Variants in MGST2 observed in about 807,000 individuals in gnomAD.
MGST2 encodes microsomal glutathione S-transferase 2.
Under a neutral mutation model 16.6 loss-of-function variants are expected in MGST2, and 9 were observed. The observed-to-expected ratio is 0.54, with a 90% CI of 0.33 to 0.95. The LOEUF is 0.95. MGST2 is among the 40% of genes least tolerant of loss of function. The pLI, the probability that MGST2 is intolerant of heterozygous loss-of-function variation, is 0.03. For missense variants in MGST2, 159 were observed against 175.1 expected (o/e 0.91, Z 0.52); for synonymous variants, 79 against 68.0 (o/e 1.16, Z -0.79).
chr4:139,684,215 C>T (rs1579304353), intron 2 of MGST2, among the ~76,000 whole-genome samples: 1 of 152,102 alleles, frequency 6.6e-6, no homozygotes, highest in Non-Finnish European at 1.5e-5. Flanking sequence ...TATGAACCAC[C>T]GTACCCGGCC....
intron 5 of MGST2, chr4:139,719,165 G>T: frequency 2.6e-6 from 2 of 775,690 alleles, no homozygotes; most frequent in Admixed American, 3.2e-5. Context: ...TGGTGGGGCT[G>T]TGGATTGGCA....
chr4:139,752,809 GA>G, the MGST2 span, among the ~76,000 whole-genome samples: 2 of 152,142 alleles, frequency 1.3e-5, no homozygotes, highest in Admixed American at 6.5e-5. Flanking sequence ...AATTTTAAGG[GA>G]AAAAAATGTC....
chr4:139,745,546 G>C (rs1014662736), downstream of MGST2, among the ~76,000 whole-genome samples: 2 of 152,092 alleles, frequency 1.3e-5, no homozygotes, highest in Admixed American at 6.5e-5. Context: ...GCAAGAATAA[G>C]AATTCTCATG....
At position 139,735,980 on chromosome 4, in the gene MGST2, CGTGT is replaced by C. The variant is rs2056372913; in HGVS notation, c.*49-4227_*49-4224del. ...GCGCATTTCCCAGGCCCCGCCACATCGTGTGTGTTAGTGGCTGGGAAGGACACGA... is the reference window on the plus strand; with the variant it reads ...GCGCATTTCCCAGGCCCCGCCACATCGTGTTAGTGGCTGGGAAGGACACGA... On this transcript the variant is annotated intron_variant, in intron 5 of 5. Transcript: ENST00000616265. This position sits in a 1 kb window ranked among gnomAD's most constrained non-coding sequence, Gnocchi z 5.8. 6.6e-6 allele frequency among the ~76,000 whole-genome samples: 1 copy of C among 152,146 alleles called. No individual in the cohort carries two copies. The highest frequency in any genetic ancestry group is 1.5e-5 in the Non-Finnish European group (1 of 68,022).
At chr4:139,719,549 G>T (rs61747885) in intron 5 of MGST2, 235,318 of 1,613,560 alleles carry the variant, frequency 0.15, 17,912 homozygotes, top group East Asian at 0.16. Flanking sequence ...CTGTGCTGGG[G>T]GCTGGCTGAA....
intron 5 of MGST2, chr4:139,720,312 C>T (rs535535121): frequency 2.0e-6 from 3 of 1,534,562 alleles, no homozygotes; most frequent in Non-Finnish European, 1.8e-6. Context: ...GCTGCTATAT[C>T]CTGGGGAGAA....
At chr4:139,704,312 G>C, downstream of MGST2, 1 of 888,958 alleles carries the variant, frequency 1.1e-6, no homozygotes, top group African/African-American at 1.7e-5. Flanking sequence ...ACTGAAATTT[G>C]CTTGGGGTAG....
chr4:139,713,508 A>G (rs984160939), intron 5 of MGST2, among the ~76,000 whole-genome samples: 1 of 151,602 alleles, frequency 6.6e-6, no homozygotes, highest in Non-Finnish European at 1.5e-5. Flanking sequence ...GGAGAAAAAT[A>G]ATTCAGTTGA....
At chr4:139,686,065 G>C (rs886318811) in intron 2 of MGST2, among the ~76,000 whole-genome samples, 2 of 152,204 alleles carry the variant, frequency 1.3e-5, no homozygotes, top group Non-Finnish European at 2.9e-5. Flanking sequence ...GGTGCAACTT[G>C]GCGTTATACA....
chr4:139,745,534 C>T (rs1239170178), downstream of MGST2, among the ~76,000 whole-genome samples: 1 of 152,110 alleles, frequency 6.6e-6, no homozygotes, highest in Non-Finnish European at 1.5e-5. Context: ...AGGCATATTC[C>T]TGCAAGAATA....
chr4:139,752,834 A>C, the MGST2 span, among the ~76,000 whole-genome samples: 1 of 152,186 alleles, frequency 6.6e-6, no homozygotes, highest in Non-Finnish European at 1.5e-5. Flanking sequence ...CTACATTGAT[A>C]ACCATAGTTC....
Position 139,714,218 on chromosome 4 carries a change from A to T in MGST2, c.*48+10022A>T, listed in dbSNP as rs915470352. 1.0e-3 allele frequency among the ~76,000 whole-genome samples: 153 copies of T among 152,164 alleles called. 1 individual carries two copies. The highest frequency in any genetic ancestry group is 8.4e-4 in the Non-Finnish European group (57 of 68,030). ...CTAAGCCCATGTTTTATCCTAAAGT[A>T]CCCCTTTACACAGAAAAACGAATTC... On this transcript the variant is annotated intron_variant, in intron 5 of 5. Transcript: ENST00000616265.
chr4:139,731,596 G>A (rs780153008), intron 5 of MGST2, among the ~76,000 whole-genome samples: 2 of 151,982 alleles, frequency 1.3e-5, no homozygotes, highest in Admixed American at 6.6e-5. Flanking sequence ...CAGCCTGGGC[G>A]ACAGAGTGAG....
downstream of MGST2, among the ~76,000 whole-genome samples, chr4:139,704,718 C>T (rs182656587): frequency 6.6e-6 from 1 of 152,120 alleles, no homozygotes; most frequent in Non-Finnish European, 1.5e-5. Flanking sequence ...GTCAGGAGAT[C>T]GAGACCATCC....
At chr4:139,679,410 T>C (rs1303810705) in intron 2 of MGST2, among the ~76,000 whole-genome samples, 1 of 152,226 alleles carries the variant, frequency 6.6e-6, no homozygotes, top group Admixed American at 6.5e-5. Flanking sequence ...ATGAACCTAG[T>C]GTCAAATGAG....
Position 139,690,077 on chromosome 4 carries a change from C to T in MGST2, c.159-5120C>T, listed in dbSNP as rs538511467. On this transcript the variant is annotated intron_variant, in intron 2 of 4. Coordinates refer to ENST00000265498, the MANE Select transcript of MGST2 (RefSeq NM_002413.5). ...TGCGATCTTGGCTCACTGCAGCCTC[C>T]GCCTCCTGGGTTCAAGCGATTCTTC... Among the ~76,000 whole-genome samples, 17 of 151,880 alleles carry T rather than the reference C, an allele frequency of 1.1e-4. No homozygotes were observed. In the East Asian group the frequency reaches 1.2e-3, roughly 10 times the overall value.
At chr4:139,749,885 A>ACCCCCCC in the MGST2 span, among the ~76,000 whole-genome samples, 1 of 128,120 alleles carries the variant, frequency 7.8e-6, no homozygotes. Flanking sequence ...ATGAATAAGA[A>ACCCCCCC]CCCCCCCCCA....
At chr4:139,709,515 G>C (rs1727660053) in intron 5 of MGST2, among the ~76,000 whole-genome samples, 1 of 152,178 alleles carries the variant, frequency 6.6e-6, no homozygotes, top group Admixed American at 6.5e-5. Context: ...TGTGTCCTGA[G>C]GCATTAAGGG....
the MGST2 span, among the ~76,000 whole-genome samples, chr4:139,747,907 A>G: frequency 4.0e-5 from 6 of 151,454 alleles, no homozygotes; most frequent in East Asian, 1.2e-3. Context: ...TACAAAAATT[A>G]GCTGGGCATG....
Sources: allele counts gnomAD v4.1 joint callset (sites outside exome capture counted in the v4.1 genomes callset), GRCh38; gene constraint gnomAD v4.1.1; non-coding constraint Gnocchi (gnomAD v3.1); transcripts MANE v1.5; gene names NCBI Gene and HGNC (gene_info 2026-07-23, HGNC 2026-07-21).